TAF1: variants seen among roughly 807,000 people sequenced by gnomAD.
TAF1 encodes the protein transcription initiation factor TFIID subunit 1.
Under a neutral mutation model 138.5 loss-of-function variants are expected in TAF1, and 2 were observed. That is an observed-to-expected ratio of 0.01 (90% CI 0.01 to 0.05). TAF1 has a LOEUF of 0.05. TAF1 is among the 10% of genes least tolerant of loss of function. TAF1 has a pLI of 1.00. For synonymous variants in TAF1, 437 were observed against 503.2 expected, an observed-to-expected ratio of 0.87 and a Z score of 1.76; for missense variants, 709 against 1,478.0, an observed-to-expected ratio of 0.48 and a Z score of 8.53.
chrX:71,511,229 T>C (rs1186812248), intron 13 of TAF1, among the ~76,000 whole-genome samples: 1 of 112,451 alleles, frequency 8.9e-6, no homozygotes, highest in African/African-American at 3.2e-5. Context: ...GAGGATGATA[T>C]CTGTAGTAGC....
intron 13 of TAF1, among the ~76,000 whole-genome samples, chrX:71,477,577 G>T (rs2039001063): frequency 8.9e-6 from 1 of 112,188 alleles, no homozygotes; most frequent in African/African-American, 3.2e-5. Flanking sequence ...GATCATAGGT[G>T]TGAGTCACTG....
chrX:71,455,592 G>A (rs1280613529), intron 34 of TAF1, among the ~76,000 whole-genome samples: 1 of 111,826 alleles, frequency 8.9e-6, no homozygotes, highest in Non-Finnish European at 1.9e-5. Context: ...GCAGGCCTGG[G>A]TTTGAGTCTT....
intron 6 of TAF1, 130 bp downstream of exon 6, chrX:71,377,951 T>G: frequency 1.2e-6 from 1 of 834,183 alleles, no homozygotes; most frequent in Admixed American, 4.0e-5. Flanking sequence ...TTTCAATGAG[T>G]AATCATGGGT....
chrX:71,523,528 CAG>C (rs964627963), intron 13 of TAF1, among the ~76,000 whole-genome samples: 4 of 111,944 alleles, frequency 3.6e-5, no homozygotes, highest in Admixed American at 9.6e-5. Flanking sequence ...TGTATTATGA[CAG>C]GGTATATTTC....
intron 13 of TAF1, among the ~76,000 whole-genome samples, chrX:71,384,465 C>T (rs1231643316): frequency 1.9e-5 from 2 of 107,896 alleles, no homozygotes; most frequent in Non-Finnish European, 1.9e-5. Flanking sequence ...GGCTGGAGTG[C>T]AGTGGCATGA....
chrX:71,488,392 C>T (rs188517009), intron 13 of TAF1, among the ~76,000 whole-genome samples: 3 of 108,219 alleles, frequency 2.8e-5, no homozygotes, highest in African/African-American at 6.7e-5. Context: ...TACAGTTGTG[C>T]GCCACCACAC....
intron 28 of TAF1, 50 bp from the exon 29 acceptor site, chrX:71,421,259 G>T (rs768061572): frequency 6.3e-6 from 7 of 1,109,872 alleles, no homozygotes. Context: ...AGTGTTGGCA[G>T]CTTTTGCCTC....
intron 14 of TAF1, among the ~76,000 whole-genome samples, chrX:71,386,667 G>A (rs975073500): frequency 8.9e-6 from 1 of 112,563 alleles, no homozygotes; most frequent in Non-Finnish European, 1.9e-5. Context: ...GTTTTGTCAT[G>A]TTGCCGAGGC....
At chrX:71,367,844 T>A (rs1424198539) in intron 2 of TAF1, among the ~76,000 whole-genome samples, 1 of 111,617 alleles carries the variant, frequency 9.0e-6, no homozygotes, top group African/African-American at 3.3e-5. Context: ...CTAATTTTTG[T>A]ATTTTTAGTA....
rs780520563 is a variant in TAF1 at position 71,380,162 on chromosome X, G to A, written c.1360+1131G>A. Among the ~76,000 whole-genome samples, 17 of 110,841 alleles carry A rather than the reference G, an allele frequency of 1.5e-4. No homozygotes were observed. The East Asian group carries it at 4.0e-3, about 26-fold the overall frequency. ...TGTGTATGTAGTTGAGCTCATTTCC[G>A]TATGTACAGTTTTGCATACTGTGCT... On this transcript the variant is annotated intron_variant, in intron 8 of 37. Coordinates refer to ENST00000423759, the MANE Select transcript of TAF1 (RefSeq NM_004606.5).
intron 13 of TAF1, among the ~76,000 whole-genome samples, chrX:71,505,802 C>T (rs1039426681): frequency 9.0e-6 from 1 of 110,791 alleles, no homozygotes; most frequent in Admixed American, 9.6e-5. Flanking sequence ...AGGTGGATCA[C>T]CTGAGGTCAG....
intron 8 of TAF1, 87 bp from the exon 9 acceptor site, chrX:71,381,656 G>C: frequency 9.6e-7 from 1 of 1,043,621 alleles, no homozygotes. Context: ...ACTAACATGA[G>C]TAACTCTTTT....
intron 13 of TAF1, among the ~76,000 whole-genome samples, chrX:71,495,222 G>A (rs1303655734): frequency 8.9e-6 from 1 of 111,969 alleles, no homozygotes; most frequent in Non-Finnish European, 1.9e-5. Flanking sequence ...TTAGGCCAAA[G>A]GGCCAGCAGG....
At chrX:71,481,782 C>CGTG in intron 13 of TAF1, among the ~76,000 whole-genome samples, 1 of 111,600 alleles carries the variant, frequency 9.0e-6, no homozygotes, top group South Asian at 3.8e-4. Context: ...TGGTCTCGAT[C>CGTG]TCCTGACCCC....
chrX:71,510,839 C>T (rs1169329262), intron 13 of TAF1, among the ~76,000 whole-genome samples: 1 of 112,008 alleles, frequency 8.9e-6, no homozygotes, highest in Non-Finnish European at 1.9e-5. Context: ...CACGATGGCT[C>T]ACTCCTGTAA....
At chrX:71,429,206 C>T (rs1433107145) in intron 32 of TAF1, among the ~76,000 whole-genome samples, 4 of 109,901 alleles carry the variant, frequency 3.6e-5, no homozygotes, top group East Asian at 2.9e-4. Context: ...ACCTGGGAGG[C>T]GGAGCTTGCA....
chrX:71,464,076 TC>T lies in TAF1; in HGVS notation c.*33del, dbSNP rs769437084. ...TCCTTTGGGCCTCCTTGGTCAGCCT[TC>T]CCTGTTCTCCAGCCTAGGTGGTTCA... is the stretch of plus-strand genomic sequence containing the variant. On this transcript the variant is annotated 3_prime_UTR_variant, in exon 38 of 38. Coordinates refer to ENST00000423759, the MANE Select transcript of TAF1 (RefSeq NM_004606.5). The T allele has an allele frequency of 8.8e-7, 1 of 1,141,716 alleles. No individual in the cohort carries two copies. The highest frequency in any genetic ancestry group is 1.2e-6 in the Non-Finnish European group (1 of 849,539). 94.1% of individuals were successfully genotyped at this position (1,141,716 alleles called of 1,213,427 possible). A position where few individuals can be genotyped will look rare whatever the true frequency, so the allele number is the denominator to read the frequency against.
chrX:71,475,607 GAAAA>G (rs1369880591), intron 13 of TAF1, among the ~76,000 whole-genome samples: 222 of 105,907 alleles, frequency 2.1e-3, no homozygotes, highest in African/African-American at 7.4e-3. Flanking sequence ...AAAAGAAAAA[GAAAA>G]AGGATAAATC....
At chrX:71,470,009 T>A (rs2038852472), downstream of TAF1, among the ~76,000 whole-genome samples, 1 of 111,490 alleles carries the variant, frequency 9.0e-6, no homozygotes, top group Non-Finnish European at 1.9e-5. Flanking sequence ...CCTAAAGTTT[T>A]AAAATAAAGC....
Sources: gnomAD v4.1 joint callset for allele counts (sites outside exome capture counted in the v4.1 genomes callset) on GRCh38, gnomAD v4.1.1 for gene constraint, MANE v1.5 for transcripts, NCBI Gene and HGNC (gene_info 2026-07-23, HGNC 2026-07-21) for gene names.